BCAR3: variants seen among roughly 807,000 people sequenced by gnomAD.
The protein encoded by BCAR3 is breast cancer anti-estrogen resistance protein 3.
BCAR3 carries 37 observed loss-of-function variants against 80.1 expected under a neutral mutation model. The ratio of observed to expected loss-of-function variants is 0.46; its 90% CI spans 0.36 to 0.61. The LOEUF (loss-of-function observed/expected upper bound fraction) is 0.61, where lower values mean the gene tolerates loss of function less well. Ranked by LOEUF, BCAR3 falls within the 20% of genes least tolerant of loss-of-function variation. The pLI is 0.00. For synonymous variants in BCAR3, 389 were observed against 418.9 expected, an observed-to-expected ratio of 0.93 and a Z score of 0.87; for missense variants, 978 against 1,068.2, an observed-to-expected ratio of 0.92 and a Z score of 1.18.
intron 2 of BCAR3, among the ~76,000 whole-genome samples, chr1:93,726,072 T>G (rs1557667382): frequency 6.6e-6 from 1 of 152,058 alleles, no homozygotes; most frequent in Admixed American, 6.5e-5. Flanking sequence ...TTTTTTTTTG[T>G]TTTTTTGTTT....
intron 5 of BCAR3, among the ~76,000 whole-genome samples, chr1:93,587,691 A>ACC (rs199611748): frequency 1.1e-3 from 145 of 137,412 alleles, no homozygotes; most frequent in African/African-American, 3.4e-3. Flanking sequence ...TTCCTCATGG[A>ACC]CCCCCCCGCC....
At chr1:93,633,788 C>T (rs1445912215) in intron 3 of BCAR3, among the ~76,000 whole-genome samples, 1 of 152,214 alleles carries the variant, frequency 6.6e-6, no homozygotes, top group Non-Finnish European at 1.5e-5. Flanking sequence ...GCGCATGCCA[C>T]CATGCCCGGG....
chr1:93,725,884 T>C (rs1650564862), intron 2 of BCAR3, among the ~76,000 whole-genome samples: 1 of 152,224 alleles, frequency 6.6e-6, no homozygotes, highest in Non-Finnish European at 1.5e-5. Flanking sequence ...ACTTCTGTCT[T>C]ATATCAAGAT....
At chr1:93,712,501 G>A (rs1302134572) in intron 2 of BCAR3, among the ~76,000 whole-genome samples, 1 of 152,100 alleles carries the variant, frequency 6.6e-6, no homozygotes, top group African/African-American at 2.4e-5. Context: ...CTTCTGATTT[G>A]TACTCTCCAG....
intron 2 of BCAR3, among the ~76,000 whole-genome samples, chr1:93,728,341 G>C (rs1309656897): frequency 6.6e-6 from 1 of 152,256 alleles, no homozygotes; most frequent in East Asian, 1.9e-4. Flanking sequence ...GCAGTGTTGA[G>C]AGGTTGATGT....
At chr1:93,688,180 G>A (rs1022887833) in intron 3 of BCAR3, among the ~76,000 whole-genome samples, 7 of 152,160 alleles carry the variant, frequency 4.6e-5, no homozygotes, top group South Asian at 2.1e-4. Flanking sequence ...TTACTATCAC[G>A]TTGGCCAGAG....
rs112848391 is a variant in BCAR3 at position 93,612,311 on chromosome 1, G to A, written c.358-19918C>T. ...AGAGTAGAAGTCCAGGCGGAAAGAA[G>A]GGTGTTTCTACCACAGTCAACCACC... On this transcript the variant is annotated intron_variant, in intron 3 of 11. Coordinates refer to ENST00000260502, the MANE Select transcript of BCAR3 (RefSeq NM_003567.4). Among the ~76,000 whole-genome samples the A allele has an allele frequency of 1.5e-3, 224 of 152,270 alleles. 1 individual carries two copies. Among genetic ancestry groups the A allele is most frequent in the African/African-American group, 5.3e-3 (220 of 41,562 alleles).
At position 93,718,694 on chromosome 1, in the gene BCAR3, T is replaced by C. The variant is rs964880673; in HGVS notation, c.-62-12552A>G. On this transcript the variant is annotated intron_variant, in intron 2 of 13. Coordinates refer to the BCAR3 transcript ENST00000370244. ...TCTGAACTACATTGTTTTTCTTTTT[T>C]TTTTTTTTTTTTTTTTTTGAGACGG... Among the ~76,000 whole-genome samples the C allele has an allele frequency of 4.3e-4, 47 of 110,230 alleles. 1 individual carries two copies. The highest frequency in any genetic ancestry group is 4.5e-3 in the Middle Eastern group (1 of 224). The allele number at this position is 110,230 out of a possible 152,430, so 72.3% of individuals were successfully genotyped here.
Position 93,582,493 on chromosome 1 carries a change from C to T in BCAR3, c.1494G>A (p.Gln498=). 6.2e-7 allele frequency: 1 copy of T among 1,614,182 alleles called. No homozygotes were observed. The highest frequency in any genetic ancestry group is 8.5e-7 in the Non-Finnish European group (1 of 1,180,024). Residue 498 remains glutamine, a synonymous_variant, in exon 7 of 12, where the codon CAG becomes CAA. Transcript: ENST00000260502. ...EPAAAQMEKG[Q]WDKGEFVTPL... ...GCGTCACAAACTCGCCCTTGTCCCACTGCCCCTTCTCCATCTGAGCTGCCG... is the reference window on the plus strand; with the variant it reads ...GCGTCACAAACTCGCCCTTGTCCCATTGCCCCTTCTCCATCTGAGCTGCCG...
At chr1:93,659,498 C>G (rs1282816024) in intron 2 of BCAR3, among the ~76,000 whole-genome samples, 1 of 151,886 alleles carries the variant, frequency 6.6e-6, no homozygotes, top group Non-Finnish European at 1.5e-5. Context: ...TGGCCAGCAA[C>G]CGGCTTTAAG....
At chr1:93,742,932 C>T (rs1651230741) in intron 2 of BCAR3, among the ~76,000 whole-genome samples, 1 of 152,190 alleles carries the variant, frequency 6.6e-6, no homozygotes, top group African/African-American at 2.4e-5. Flanking sequence ...GAAATGCCGC[C>T]TCTTTCATAC....
At chr1:93,846,840 G>A in intron 1 of BCAR3, 1 of 473,956 alleles carries the variant, frequency 2.1e-6, no homozygotes, top group Admixed American at 2.3e-5. Flanking sequence ...GGGGCGCGTC[G>A]CCCCCCTCAG....
chr1:93,669,556 C>G (rs1459854057), intron 2 of BCAR3, among the ~76,000 whole-genome samples: 1 of 152,204 alleles, frequency 6.6e-6, no homozygotes, highest in African/African-American at 2.4e-5. Flanking sequence ...ACCACATGCT[C>G]CCACAGCACA....
chr1:93,720,540 C>T (rs890261495), intron 2 of BCAR3, among the ~76,000 whole-genome samples: 4 of 152,188 alleles, frequency 2.6e-5, no homozygotes, highest in African/African-American at 7.2e-5. Flanking sequence ...CATGGCCACT[C>T]GCCTTCCCAG....
At chr1:93,585,684 T>C (rs1673914239) in intron 5 of BCAR3, among the ~76,000 whole-genome samples, 1 of 152,198 alleles carries the variant, frequency 6.6e-6, no homozygotes, top group African/African-American at 2.4e-5. Flanking sequence ...CCTATTACTA[T>C]GAAAAGGAGG....
intron 2 of BCAR3, among the ~76,000 whole-genome samples, chr1:93,736,716 C>T (rs1209618979): frequency 2.0e-5 from 3 of 152,070 alleles, no homozygotes; most frequent in Non-Finnish European, 2.9e-5. Context: ...ATGGCCTCGT[C>T]ACTGGATTTT....
At chr1:93,565,888 G>C (rs1014707667) in intron 11 of BCAR3, among the ~76,000 whole-genome samples, 5 of 152,186 alleles carry the variant, frequency 3.3e-5, no homozygotes, top group Non-Finnish European at 7.3e-5. Context: ...GTGAGCCCTT[G>C]AAGAATTTAA....
intron 2 of BCAR3, among the ~76,000 whole-genome samples, chr1:93,736,165 G>C (rs1374504725): frequency 2.0e-5 from 3 of 152,174 alleles, no homozygotes; most frequent in Non-Finnish European, 2.9e-5. Context: ...ATTGTATGAA[G>C]AGATGTGATA....
At chr1:93,759,700 G>T (rs934702505) in intron 2 of BCAR3, among the ~76,000 whole-genome samples, 1 of 152,160 alleles carries the variant, frequency 6.6e-6, no homozygotes, top group East Asian at 1.9e-4. Flanking sequence ...CTGCCCTTGC[G>T]TTATTTGGAA....
Sources: gnomAD v4.1 joint callset for allele counts (sites outside exome capture counted in the v4.1 genomes callset) on GRCh38, gnomAD v4.1.1 for gene constraint, MANE v1.5 for transcripts, NCBI Gene and HGNC (gene_info 2026-07-23, HGNC 2026-07-21) for gene names.